UGGT2: variants seen among roughly 807,000 people sequenced by gnomAD.
UGGT2 encodes UDP-glucose glycoprotein glucosyltransferase 2, also known as UDP-glucose:glycoprotein glucosyltransferase 2.
UGGT2 carries 180 observed loss-of-function variants against 192.1 expected under a neutral mutation model. That is an observed-to-expected ratio of 0.94 (90% CI 0.83 to 1.06). UGGT2 has a LOEUF of 1.06. Ranked by LOEUF, UGGT2 falls within the 50% of genes least tolerant of loss-of-function variation. The pLI is 0.00. For missense variants in UGGT2, 1,849 were observed against 1,795.7 expected (o/e 1.03, Z -0.54); for synonymous variants, 580 against 591.0 (o/e 0.98, Z 0.27).
chr13:95,968,155 T>C (rs1480045392), intron 12 of UGGT2, among the ~76,000 whole-genome samples: 1 of 152,170 alleles, frequency 6.6e-6, no homozygotes, highest in East Asian at 1.9e-4. Flanking sequence ...TTAAAAATGA[T>C]GTTTTTTGTT....
At chr13:95,940,268 TA>T (rs1288513322) in intron 15 of UGGT2, among the ~76,000 whole-genome samples, 177 bp from the exon 16 acceptor site, 1 of 151,878 alleles carries the variant, frequency 6.6e-6, no homozygotes, top group African/African-American at 2.4e-5. Context: ...AAGATGGTTT[TA>T]AAATATTCTA....
chr13:96,013,467 A>G lies in UGGT2; in HGVS notation c.500T>C (p.Leu167Pro). 6.4e-7 allele frequency: 1 copy of G among 1,570,130 alleles called. No individual in the cohort carries two copies. The highest frequency in any genetic ancestry group is 8.6e-7 in the Non-Finnish European group (1 of 1,162,526). Residue 167 changes from leucine to proline, a missense_variant, in exon 5 of 39, where the codon CTA (leucine) becomes CCA (proline). Coordinates refer to ENST00000376747, the MANE Select transcript of UGGT2 (RefSeq NM_020121.4). ...KKAASRTRPY[L>P]FKGDHKFPTN... ...AGGAAATTTGTGATCTCCTTTAAAT[A>G]GATAAGGTCTAGTCCTAAGATAAAA...
rs371334164 is a variant in UGGT2 at position 95,927,083 on chromosome 13, A to C, written c.2145T>G (p.Asp715Glu). The C allele has an allele frequency of 1.4e-5, 23 of 1,611,788 alleles. No homozygotes were observed. The highest frequency in any genetic ancestry group is 2.0e-5 in the Non-Finnish European group (23 of 1,179,394). Residue 715 changes from aspartate to glutamate, a missense_variant, in exon 19 of 39, where the codon GAT (aspartate) becomes GAG (glutamate). By Grantham distance (45) the Asp-to-Glu change is conservative (BLOSUM62 2). Coordinates refer to ENST00000376747, the MANE Select transcript of UGGT2 (RefSeq NM_020121.4). ...VEDFSTFFFL[D>E]SQDKSAVIAK... ...CAATTACAGCACTCTTATCTTGTGA[A>C]TCCAAGAAAAAGAAAGTAGAGAAAT...
intron 8 of UGGT2, chr13:95,989,448 A>T: frequency 4.5e-6 from 1 of 220,300 alleles, no homozygotes; most frequent in Admixed American, 5.3e-5. Flanking sequence ...AAGTACTTAA[A>T]AGTTCAAACC....
intron 16 of UGGT2, among the ~76,000 whole-genome samples, chr13:95,938,147 A>G (rs1309525332): frequency 1.3e-5 from 2 of 152,222 alleles, no homozygotes; most frequent in Non-Finnish European, 2.9e-5. Flanking sequence ...CTGTAAGTCC[A>G]TTAAACCACT....
At chr13:95,934,724 G>T (rs1006535091) in intron 17 of UGGT2, among the ~76,000 whole-genome samples, 2 of 152,092 alleles carry the variant, frequency 1.3e-5, no homozygotes, top group Non-Finnish European at 2.9e-5. Flanking sequence ...GCCCAGGCTG[G>T]TCTCAAACTC....
chr13:96,044,475 T>C (rs539329733), intron 1 of UGGT2, among the ~76,000 whole-genome samples: 3 of 151,472 alleles, frequency 2.0e-5, no homozygotes, highest in East Asian at 3.9e-4. Context: ...CCAAACCCAA[T>C]CCCAGTAGAA....
intron 9 of UGGT2, among the ~76,000 whole-genome samples, chr13:95,985,929 G>A (rs1350633794): frequency 6.6e-6 from 1 of 152,124 alleles, no homozygotes; most frequent in East Asian, 1.9e-4. Context: ...CTCTGAAAGG[G>A]TAAGAATATG....
intron 38 of UGGT2, among the ~76,000 whole-genome samples, chr13:95,809,983 A>T (rs1450510575): frequency 2.0e-5 from 3 of 152,212 alleles, no homozygotes; most frequent in African/African-American, 7.2e-5. Context: ...CAAGAATTAT[A>T]AAGTTTTGGT....
At chr13:96,038,476 G>C (rs1174664008) in intron 1 of UGGT2, among the ~76,000 whole-genome samples, 2 of 152,172 alleles carry the variant, frequency 1.3e-5, no homozygotes, top group Non-Finnish European at 2.9e-5. Context: ...GTAAAAGAAT[G>C]ATATATTACT....
chr13:95,848,251 TTTTC>T (rs1333662018), intron 36 of UGGT2, among the ~76,000 whole-genome samples: 2 of 152,178 alleles, frequency 1.3e-5, no homozygotes, highest in Non-Finnish European at 2.9e-5. Flanking sequence ...CCAAAAAAAC[TTTTC>T]TTTCTCTTGT....
At chr13:95,832,338 A>G (rs529095308) in intron 38 of UGGT2, among the ~76,000 whole-genome samples, 5 of 152,134 alleles carry the variant, frequency 3.3e-5, no homozygotes, top group Non-Finnish European at 7.4e-5. Context: ...AGAAGTTTGT[A>G]TCAGCTTTAA....
intron 38 of UGGT2, among the ~76,000 whole-genome samples, chr13:95,823,781 A>C (rs1885741578): frequency 6.6e-6 from 1 of 152,072 alleles, no homozygotes; most frequent in Admixed American, 6.6e-5. Flanking sequence ...GATATGGGGT[A>C]ATGTTCTATT....
At chr13:95,998,104 A>T (rs1372683560) in intron 6 of UGGT2, among the ~76,000 whole-genome samples, 1 of 152,196 alleles carries the variant, frequency 6.6e-6, no homozygotes, top group Non-Finnish European at 1.5e-5. Context: ...GGCTAGTTAA[A>T]GGTCTGATAC....
chr13:95,970,684 C>T (rs73560886), intron 11 of UGGT2, among the ~76,000 whole-genome samples: 2,858 of 152,086 alleles, frequency 0.019, 73 homozygotes, highest in African/African-American at 0.058. Context: ...ATGAAGTTCA[C>T]GTGTGTTTGA....
intron 24 of UGGT2, among the ~76,000 whole-genome samples, chr13:95,892,246 C>G (rs1414173976): frequency 2.0e-5 from 3 of 152,040 alleles, no homozygotes; most frequent in Non-Finnish European, 4.4e-5. Flanking sequence ...TTCCATAGTC[C>G]CCACCATCTG....
At chr13:95,890,806 T>G in intron 25 of UGGT2, 56 bp downstream of exon 25, 1 of 1,382,572 alleles carries the variant, frequency 7.2e-7, no homozygotes, top group South Asian at 1.2e-5. Context: ...AAAACAGACT[T>G]GAAAAAATTA....
At chr13:95,989,676 T>C (rs1345334690) in intron 8 of UGGT2, 3 of 276,872 alleles carry the variant, frequency 1.1e-5, no homozygotes, top group Non-Finnish European at 2.2e-5. Context: ...TAATCAGTTA[T>C]AGTCTCCACA....
intron 25 of UGGT2, among the ~76,000 whole-genome samples, chr13:95,889,076 C>T (rs184433531): frequency 2.5e-4 from 38 of 152,070 alleles, no homozygotes; most frequent in East Asian, 1.9e-3. Context: ...TGGCTAATTC[C>T]GTATTTCTTA....
Sources: allele counts gnomAD v4.1 joint callset (sites outside exome capture counted in the v4.1 genomes callset), GRCh38; gene constraint gnomAD v4.1.1; transcripts MANE v1.5; gene names NCBI Gene and HGNC (gene_info 2026-07-23, HGNC 2026-07-21).